GALNTL6: variants seen among roughly 807,000 people sequenced by gnomAD.
GALNTL6 encodes polypeptide N-acetylgalactosaminyltransferase like 6.
Under a neutral mutation model 73.7 loss-of-function variants are expected in GALNTL6, and 46 were observed. The observed-to-expected ratio is 0.62, with a 90% confidence interval of 0.49 to 0.80. GALNTL6 has a LOEUF of 0.80. Among genes scored for constraint, GALNTL6 ranks in the 30% least tolerant of loss-of-function variants. GALNTL6 has a pLI of 0.00. For synonymous variants in GALNTL6, 259 were observed against 263.7 expected, an observed-to-expected ratio of 0.98 and a Z score of 0.17; for missense variants, 604 against 755.0, an observed-to-expected ratio of 0.80 and a Z score of 2.34.
At chr4:172,370,784 G>T (rs546166278) in intron 5 of GALNTL6, among the ~76,000 whole-genome samples, 57 of 152,196 alleles carry the variant, frequency 3.7e-4, no homozygotes, top group African/African-American at 1.3e-3. Flanking sequence ...TCCTTTCTCA[G>T]CAGGGGGGAG....
intron 2 of GALNTL6, among the ~76,000 whole-genome samples, chr4:171,984,219 G>A (rs60393798): frequency 0.19 from 28,232 of 152,184 alleles, 2,938 homozygotes; most frequent in Non-Finnish European, 0.23. Flanking sequence ...GAAACAAAAT[G>A]CAGGTTCAGT....
chr4:172,875,025 A>C (rs904101599), intron 7 of GALNTL6, among the ~76,000 whole-genome samples: 11 of 152,152 alleles, frequency 7.2e-5, no homozygotes, highest in Non-Finnish European at 1.3e-4. Flanking sequence ...GCACCATAGC[A>C]AGGTGACTTA....
At chr4:172,839,863 A>C (rs1043469352) in intron 7 of GALNTL6, among the ~76,000 whole-genome samples, 2 of 152,186 alleles carry the variant, frequency 1.3e-5, no homozygotes, top group African/African-American at 4.8e-5. Context: ...TTTTGAATGA[A>C]ACCTGAAAAG....
intron 2 of GALNTL6, among the ~76,000 whole-genome samples, chr4:172,049,370 C>A (rs1383249675): frequency 6.6e-6 from 1 of 152,142 alleles, no homozygotes; most frequent in East Asian, 1.9e-4. Context: ...TTGCCCATTT[C>A]TTATCTTTAT....
At chr4:172,788,062 C>T (rs1354663846) in intron 5 of GALNTL6, among the ~76,000 whole-genome samples, 1 of 152,004 alleles carries the variant, frequency 6.6e-6, no homozygotes, top group Non-Finnish European at 1.5e-5. Context: ...AGAGAAGGAG[C>T]AGGCTGGGCA....
At chr4:172,219,222 T>TATATATATATATATATATATATA (rs1483226525) in intron 2 of GALNTL6, among the ~76,000 whole-genome samples, 8 of 141,922 alleles carry the variant, frequency 5.6e-5, no homozygotes, top group African/African-American at 2.0e-4. Context: ...TATATATATA[T>TATATATATATATATATATATATA]AATCCTTCTG....
At chr4:172,255,651 C>T (rs1374595789) in intron 3 of GALNTL6, among the ~76,000 whole-genome samples, 1 of 151,386 alleles carries the variant, frequency 6.6e-6, no homozygotes, top group Non-Finnish European at 1.5e-5. Flanking sequence ...TATATACATG[C>T]ATATAGTGAC....
intron 5 of GALNTL6, among the ~76,000 whole-genome samples, chr4:172,758,482 T>C (rs1192581927): frequency 6.6e-6 from 1 of 152,082 alleles, no homozygotes; most frequent in Non-Finnish European, 1.5e-5. Context: ...GTTTCAGTGA[T>C]CAGAGATCAC....
At chr4:172,184,349 G>C (rs887526216) in intron 2 of GALNTL6, among the ~76,000 whole-genome samples, 1 of 152,126 alleles carries the variant, frequency 6.6e-6, no homozygotes, top group African/African-American at 2.4e-5. Context: ...TTGGGATAGG[G>C]GGAAACTGGT....
At chr4:172,765,626 A>C (rs1738362833) in intron 5 of GALNTL6, among the ~76,000 whole-genome samples, 1 of 152,182 alleles carries the variant, frequency 6.6e-6, no homozygotes, top group Non-Finnish European at 1.5e-5. Context: ...GTAGCACCAG[A>C]AAATAGATGG....
chr4:172,677,188 G>A (rs1441074512), intron 5 of GALNTL6, among the ~76,000 whole-genome samples: 1 of 152,156 alleles, frequency 6.6e-6, no homozygotes, highest in Non-Finnish European at 1.5e-5. Context: ...GATCTATCAA[G>A]AAAATGTGCT....
chr4:172,897,568 A>G (rs2111230410), intron 8 of GALNTL6, among the ~76,000 whole-genome samples: 1 of 152,308 alleles, frequency 6.6e-6, no homozygotes, highest in South Asian at 2.1e-4. Flanking sequence ...TCAAAGAAAA[A>G]TGGGGCTATA....
intron 5 of GALNTL6, among the ~76,000 whole-genome samples, chr4:172,741,001 A>G (rs993087899): frequency 1.3e-5 from 2 of 152,182 alleles, no homozygotes; most frequent in African/African-American, 4.8e-5. Context: ...TACCCCTTTA[A>G]TGAAATGTAA....
chr4:171,942,354 G>A (rs1040939524), intron 2 of GALNTL6, among the ~76,000 whole-genome samples: 6 of 151,930 alleles, frequency 3.9e-5, no homozygotes, highest in Non-Finnish European at 7.4e-5. Context: ...CAGAAATCTC[G>A]AATGGCCTAC....
intron 2 of GALNTL6, among the ~76,000 whole-genome samples, chr4:171,911,343 G>A (rs1737471562): frequency 6.6e-6 from 1 of 152,076 alleles, no homozygotes; most frequent in African/African-American, 2.4e-5. Flanking sequence ...TATTTTTGTA[G>A]AAATGAGATT....
rs185774758 is a variant in GALNTL6 at position 172,067,738 on chromosome 4, A to G, written c.139-161918A>G. 9.2e-4 allele frequency among the ~76,000 whole-genome samples: 102 copies of G among 110,768 alleles called. 32 individuals carry two copies. The highest frequency in any genetic ancestry group is 3.3e-3 in the African/African-American group (97 of 29,420). 72.7% of individuals were successfully genotyped at this position (110,768 alleles called of 152,430 possible). On this transcript the variant is annotated intron_variant, in intron 2 of 12. Transcript: ENST00000506823. ...GAGTGACAGTCCAATGATCATTACC[A>G]AGGAAAATTTAACAAGGAGATTTTA...
intron 5 of GALNTL6, among the ~76,000 whole-genome samples, chr4:172,699,166 T>G (rs1473632695): frequency 6.6e-6 from 1 of 152,162 alleles, no homozygotes; most frequent in Non-Finnish European, 1.5e-5. Context: ...ATGAAGGCTC[T>G]GTCCTTATGA....
At chr4:172,565,494 G>T (rs1476319533) in intron 5 of GALNTL6, among the ~76,000 whole-genome samples, 1 of 152,116 alleles carries the variant, frequency 6.6e-6, no homozygotes, top group Non-Finnish European at 1.5e-5. Flanking sequence ...GTAGAATTTG[G>T]TTTGATTTGC....
intron 2 of GALNTL6, among the ~76,000 whole-genome samples, chr4:171,892,564 A>G (rs772312749): frequency 6.6e-6 from 1 of 152,146 alleles, no homozygotes; most frequent in Non-Finnish European, 1.5e-5. Flanking sequence ...TATAATAATT[A>G]CAAATAACGT....
Sources: allele counts gnomAD v4.1 joint callset (sites outside exome capture counted in the v4.1 genomes callset), GRCh38; gene constraint gnomAD v4.1.1; transcripts MANE v1.5; gene names NCBI Gene and HGNC (gene_info 2026-07-23, HGNC 2026-07-21).